PPARD: variants seen among roughly 807,000 people sequenced by gnomAD.
PPARD encodes peroxisome proliferator activated receptor delta.
In PPARD, 6 loss-of-function variants were observed where a neutral mutation model predicts 39.5. That is an observed-to-expected ratio of 0.15 (90% confidence interval 0.08 to 0.30). PPARD has a LOEUF of 0.30. PPARD is among the 10% of genes least tolerant of loss of function. The probability of loss-of-function intolerance (pLI) is 1.00; values close to 1 mark genes in which losing one functional copy is unlikely to be tolerated. For synonymous variants in PPARD, 210 were observed against 231.3 expected (o/e 0.91, Z 0.83); for missense variants, 397 against 596.8 (o/e 0.67, Z 3.49).
chr6:35,387,804 C>T (rs1456927395), intron 2 of PPARD, among the ~76,000 whole-genome samples: 1 of 148,464 alleles, frequency 6.7e-6, no homozygotes, highest in East Asian at 2.0e-4. Flanking sequence ...TCACTGCAAC[C>T]TCCACCTCTC....
chr6:35,343,157 G>A (rs116631473), intron 1 of PPARD, among the ~76,000 whole-genome samples: 1,658 of 151,972 alleles, frequency 0.011, 38 homozygotes, highest in African/African-American at 0.037. Flanking sequence ...TGTCCCCCTC[G>A]TTATCCTTGT....
At chr6:35,423,367 A>G (rs1359835252) in intron 5 of PPARD, among the ~76,000 whole-genome samples, 2 of 147,944 alleles carry the variant, frequency 1.4e-5, no homozygotes, top group East Asian at 2.0e-4. Flanking sequence ...TGTCTCTACT[A>G]AAAAAAAAAT....
At chr6:35,415,684 G>A (rs1021611745) in intron 3 of PPARD, among the ~76,000 whole-genome samples, 3 of 152,036 alleles carry the variant, frequency 2.0e-5, no homozygotes, top group Non-Finnish European at 4.4e-5. Flanking sequence ...GTGAGATGCC[G>A]AGGTTAAGAG....
At position 35,416,881 on chromosome 6, in the gene PPARD, C is replaced by CT. The variant is rs1047286792; in HGVS notation, c.131-3237dup. Among the ~76,000 whole-genome samples the CT allele has an allele frequency of 1.8e-4, 27 of 151,752 alleles. No individual in the cohort carries two copies. In the Middle Eastern group the frequency reaches 0.014, roughly 76 times the overall value. ...TGTTCTAGTTTTCTTATCTCTTTCT[C>CT]TTTTTTTTTCTATTTTATTTTTTTC... On this transcript the variant is annotated intron_variant, in intron 3 of 7. Coordinates refer to ENST00000360694, the MANE Select transcript of PPARD (RefSeq NM_006238.5).
chr6:35,355,100 C>T (rs2150456972), intron 2 of PPARD, among the ~76,000 whole-genome samples: 1 of 152,218 alleles, frequency 6.6e-6, no homozygotes, highest in African/African-American at 2.4e-5. Flanking sequence ...CAGGCTTGGG[C>T]ATAGGGAGCC....
intron 1 of PPARD, among the ~76,000 whole-genome samples, chr6:35,343,993 T>C (rs942529642): frequency 2.2e-4 from 34 of 152,046 alleles, no homozygotes; most frequent in Admixed American, 1.3e-3. Flanking sequence ...CTTTTTTTTT[T>C]CCCGTTTGAG....
rs1292548341 is a variant in PPARD, at chr6:35,401,697, C to A, written c.-101-9290C>A. ...GTCTCCTGGCCACTCGCACCTGACT[C>A]ATGTGCTCTGAGTGCCACACCTTGC... On this transcript the variant is annotated intron_variant, in intron 2 of 7. Coordinates refer to ENST00000360694, the MANE Select transcript of PPARD (RefSeq NM_006238.5). This position sits in a 1 kb window ranked among gnomAD's most constrained non-coding sequence, Gnocchi z 4.1. Among the ~76,000 whole-genome samples the A allele has an allele frequency of 1.3e-5, 2 of 152,246 alleles. No individual in the cohort carries two copies. The highest frequency in any genetic ancestry group is 4.1e-4 in the South Asian group (2 of 4,834).
At chr6:35,415,036 A>G (rs1005674997) in intron 3 of PPARD, among the ~76,000 whole-genome samples, 13 of 152,070 alleles carry the variant, frequency 8.5e-5, no homozygotes, top group Non-Finnish European at 4.4e-5. Flanking sequence ...TCCCATTCCC[A>G]TTCTCATCCC....
intron 2 of PPARD, among the ~76,000 whole-genome samples, chr6:35,375,209 G>GTTTTTTTTTTTTT (rs558275286): frequency 1.7e-5 from 1 of 59,232 alleles, no homozygotes; most frequent in African/African-American, 6.9e-5. Flanking sequence ...CTCCTTCCGA[G>GTTTTTTTTTTTTT]TTTTTTTTTT....
intron 2 of PPARD, among the ~76,000 whole-genome samples, chr6:35,389,511 C>T (rs915260844): frequency 1.3e-5 from 2 of 152,078 alleles, no homozygotes; most frequent in Non-Finnish European, 2.9e-5. Flanking sequence ...AGGGGTTTCA[C>T]CATGTTGGCC....
At position 35,426,893 on chromosome 6, in the gene PPARD, C is replaced by T. The variant is rs200368320; in HGVS notation, c.*814C>T. 1.3e-4 allele frequency: 20 copies of T among 152,376 alleles called. No individual in the cohort carries two copies. The highest frequency in any genetic ancestry group is 6.3e-3 in the Middle Eastern group (2 of 316). The allele number at this position is 152,376 out of a possible 1,614,324, so 9.4% of individuals were successfully genotyped here. On this transcript the variant is annotated 3_prime_UTR_variant, in exon 8 of 8. Transcript: ENST00000360694. ...GTTGCTGATGGCCCCCTGCACTGGC[C>T]GCTGGACGGCACTCTCCCAGCTTGG...
chr6:35,366,733 A>G lies in PPARD; in HGVS notation c.-102+19583A>G, dbSNP rs1314482170. Among the ~76,000 whole-genome samples the G allele has an allele frequency of 6.6e-6, 1 of 152,004 alleles. No individual in the cohort carries two copies. Among genetic ancestry groups the G allele is most frequent in the Non-Finnish European group, 1.5e-5 (1 of 68,002 alleles). On this transcript the variant is annotated intron_variant, in intron 2 of 7. Coordinates refer to ENST00000360694, the MANE Select transcript of PPARD (RefSeq NM_006238.5). This position sits in a 1 kb window ranked among gnomAD's most constrained non-coding sequence, Gnocchi z 4.6. Reference sequence around the variant, plus strand: ...CCTGGCTAATTTTTCTATTTTTAGTAGAAATGGGGTTTCACGGTGTTGGCC... The same window carrying G: ...CCTGGCTAATTTTTCTATTTTTAGTGGAAATGGGGTTTCACGGTGTTGGCC...
At chr6:35,351,861 C>CTGTTTTT (rs1761272876) in intron 2 of PPARD, among the ~76,000 whole-genome samples, 1 of 87,364 alleles carries the variant, frequency 1.1e-5, no homozygotes, top group Non-Finnish European at 2.1e-5. Flanking sequence ...CACACCCAGC[C>CTGTTTTT]TTTTTTTTTT....
rs1167732524 is a variant in PPARD, at chr6:35,401,911, G to A, written c.-101-9076G>A. ...TCTTAGCTGAGAAGGGCTCTGGCTC[G>A]GTCTCTGGTGAGTCTCTCTGCTGGC... On this transcript the variant is annotated intron_variant, in intron 2 of 7. Transcript: ENST00000360694. This position sits in a 1 kb window ranked among gnomAD's most constrained non-coding sequence, Gnocchi z 4.1. Among the ~76,000 whole-genome samples the A allele has an allele frequency of 2.6e-5, 4 of 152,066 alleles. No individual in the cohort carries two copies. The highest frequency in any genetic ancestry group is 7.2e-5 in the African/African-American group (3 of 41,398).
At chr6:35,344,681 A>G (rs1281291692) in intron 1 of PPARD, among the ~76,000 whole-genome samples, 1 of 152,016 alleles carries the variant, frequency 6.6e-6, no homozygotes, top group Non-Finnish European at 1.5e-5. Flanking sequence ...TCTTTTGATG[A>G]TTGTGCTGTC....
chr6:35,418,982 A>G (rs187428921), intron 3 of PPARD, among the ~76,000 whole-genome samples: 1 of 152,310 alleles, frequency 6.6e-6, no homozygotes, highest in East Asian at 1.9e-4. Context: ...TTTGATTGGT[A>G]GCAGGTGGAT....
intron 2 of PPARD, among the ~76,000 whole-genome samples, chr6:35,374,582 C>T (rs1019506987): frequency 7.3e-5 from 11 of 149,940 alleles, no homozygotes; most frequent in South Asian, 2.1e-4. Context: ...GGCGTGAACC[C>T]GGGACACAGA....
At chr6:35,370,941 C>T (rs1291268852) in intron 2 of PPARD, among the ~76,000 whole-genome samples, 1 of 152,184 alleles carries the variant, frequency 6.6e-6, no homozygotes, top group Non-Finnish European at 1.5e-5. Context: ...TTCTTTTCTT[C>T]TTCTCGTGGT....
At chr6:35,350,835 C>G (rs1201114421) in intron 2 of PPARD, among the ~76,000 whole-genome samples, 1 of 151,980 alleles carries the variant, frequency 6.6e-6, no homozygotes, top group African/African-American at 2.4e-5. Flanking sequence ...CCATGTTGGT[C>G]AGGCTGGTCT....
Sources: gnomAD v4.1 joint callset for allele counts (sites outside exome capture counted in the v4.1 genomes callset) on GRCh38, gnomAD v4.1.1 for gene constraint, Gnocchi (gnomAD v3.1) non-coding constraint, MANE v1.5 for transcripts, NCBI Gene and HGNC (gene_info 2026-07-23, HGNC 2026-07-21) for gene names.